TMEM132D: variants seen among roughly 807,000 people sequenced by gnomAD.
TMEM132D encodes transmembrane protein 132D.
In TMEM132D, 21 loss-of-function variants were observed where a neutral mutation model predicts 62.3. The ratio of observed to expected loss-of-function variants is 0.34; its 90% CI spans 0.24 to 0.49. The LOEUF is 0.49. TMEM132D is among the 20% of genes least tolerant of loss of function. The pLI, the probability that TMEM132D is intolerant of heterozygous loss-of-function variation, is 0.99. For missense variants in TMEM132D, 1,346 were observed against 1,402.8 expected (o/e 0.96, Z 0.65); for synonymous variants, 621 against 575.6 (o/e 1.08, Z -1.13).
intron 6 of TMEM132D, 31 bp from the exon 7 acceptor site, chr12:129,082,063 G>C (rs1874471389): frequency 6.4e-7 from 1 of 1,571,756 alleles, no homozygotes. Context: ...TTTGCAGACA[G>C]TTACTTGTTG....
intron 3 of TMEM132D, among the ~76,000 whole-genome samples, chr12:129,389,457 CTAA>C (rs922686741): frequency 5.3e-5 from 8 of 152,018 alleles, no homozygotes; most frequent in Admixed American, 5.2e-4. Flanking sequence ...AATACTAACA[CTAA>C]TGTCACTGCC....
At chr12:129,243,116 A>C (rs1879979457) in intron 4 of TMEM132D, among the ~76,000 whole-genome samples, 1 of 152,240 alleles carries the variant, frequency 6.6e-6, no homozygotes. Flanking sequence ...GCAAACACGT[A>C]TGTGTACACA....
intron 3 of TMEM132D, among the ~76,000 whole-genome samples, chr12:129,351,552 C>T (rs1456595506): frequency 2.0e-5 from 3 of 152,150 alleles, no homozygotes; most frequent in Non-Finnish European, 2.9e-5. Context: ...GTTGTGTGTA[C>T]GTTCCAGACT....
At chr12:129,149,997 G>A (rs887709938) in intron 5 of TMEM132D, among the ~76,000 whole-genome samples, 1 of 152,218 alleles carries the variant, frequency 6.6e-6, no homozygotes, top group African/African-American at 2.4e-5. Flanking sequence ...CAACAGAGGG[G>A]AACAATGACT....
chr12:129,165,784 C>T (rs1257539218), intron 5 of TMEM132D, among the ~76,000 whole-genome samples: 1 of 152,138 alleles, frequency 6.6e-6, no homozygotes, highest in African/African-American at 2.4e-5. Flanking sequence ...AGAGCCTTGA[C>T]TCCTTGACTC....
rs372666244 is a variant in TMEM132D, at chr12:129,377,142, G to C, written c.1116-39325C>G. ...CCTAATGTGACTGGTGACCTTAAAA[G>C]AAGAGGAGATTAAGAGACAGGTGCA... On this transcript the variant is annotated intron_variant, in intron 3 of 8. Coordinates refer to ENST00000422113, the MANE Select transcript of TMEM132D (RefSeq NM_133448.3). Among the ~76,000 whole-genome samples the C allele has an allele frequency of 1.1e-4, 16 of 152,172 alleles. No homozygotes were observed. In the East Asian group the frequency reaches 2.5e-3, roughly 24 times the overall value.
At chr12:129,819,874 C>T (rs1872496350) in intron 1 of TMEM132D, among the ~76,000 whole-genome samples, 1 of 152,094 alleles carries the variant, frequency 6.6e-6, no homozygotes, top group Admixed American at 6.6e-5. Flanking sequence ...CTGCTGCTAC[C>T]CAAAGTGCTC....
At chr12:129,806,606 G>A (rs1871990845) in intron 1 of TMEM132D, among the ~76,000 whole-genome samples, 2 of 150,446 alleles carry the variant, frequency 1.3e-5, no homozygotes, top group Non-Finnish European at 3.0e-5. Context: ...TGATGAGTTA[G>A]TGGGTGCAGC....
At chr12:129,366,199 T>C (rs1225599722) in intron 3 of TMEM132D, among the ~76,000 whole-genome samples, 1 of 152,232 alleles carries the variant, frequency 6.6e-6, no homozygotes, top group Non-Finnish European at 1.5e-5. Context: ...AAGCCCTGTG[T>C]TATTGTTTGG....
In TMEM132D at chr12:129,531,086, T is replaced by C. The variant is rs1876205311; in HGVS notation, c.1088A>G (p.Gln363Arg). The C allele has an allele frequency of 6.2e-7, 1 of 1,613,452 alleles. No individual in the cohort carries two copies. The highest frequency in any genetic ancestry group is 1.1e-5 in the South Asian group (1 of 91,032). Residue 363 changes from glutamine (Q) to arginine (R), a missense_variant, in exon 3 of 9, where the codon CAG becomes CGG. Physicochemically the swap from Gln to Arg is conservative, Grantham distance 43. Transcript: ENST00000422113. ...GTTTTCTGAGCCAGCTGCTTTCTTC[T>C]GACAAACGATGACAGCTGGTGCATA... is the stretch of plus-strand genomic sequence containing the variant. ...GKYAPAVIVC[Q>R]KKAAGSENSA... is the part of the protein sequence containing the mutation.
At chr12:129,579,715 A>T (rs1877788296) in intron 2 of TMEM132D, among the ~76,000 whole-genome samples, 1 of 152,166 alleles carries the variant, frequency 6.6e-6, no homozygotes, top group Admixed American at 6.5e-5. Context: ...AGTCAAATGG[A>T]TGGTGCCCAC....
intron 3 of TMEM132D, among the ~76,000 whole-genome samples, chr12:129,450,563 A>G (rs375673523): frequency 3.4e-4 from 51 of 152,232 alleles, no homozygotes; most frequent in African/African-American, 1.1e-3. Context: ...CTAGTTTCAA[A>G]AGAAAAAAAC....
chr12:129,779,360 C>T lies in TMEM132D; in HGVS notation c.80-78662G>A, dbSNP rs1565982714. On this transcript the variant is annotated intron_variant, in intron 1 of 8. Transcript: ENST00000422113. The surrounding 1 kb of genome is among the most constrained non-coding windows in gnomAD (Gnocchi z 4.1). Reference sequence around the variant, plus strand: ...CTGGAGAGCAGTGGTGTTATCTCTGCTCACTACAACCTCCACTTCCTGGGT... The same window carrying T: ...CTGGAGAGCAGTGGTGTTATCTCTGTTCACTACAACCTCCACTTCCTGGGT... 6.6e-6 allele frequency among the ~76,000 whole-genome samples: 1 copy of T among 152,206 alleles called. No homozygotes were observed. Among genetic ancestry groups the T allele is most frequent in the Non-Finnish European group, 1.5e-5 (1 of 68,032 alleles).
At chr12:129,089,395 GTCCTCCCTGACCGGGA>G (rs1874815562) in intron 5 of TMEM132D, among the ~76,000 whole-genome samples, 1 of 62,290 alleles carries the variant, frequency 1.6e-5, no homozygotes, top group African/African-American at 1.0e-4. Context: ...ATGACCGGGT[GTCCTCCCTGACCGGGA>G]TGTCCTCCAT....
chr12:129,115,942 A>G (rs1875880019), intron 5 of TMEM132D, among the ~76,000 whole-genome samples: 1 of 152,258 alleles, frequency 6.6e-6, no homozygotes, highest in South Asian at 2.1e-4. Flanking sequence ...CAAAGGGAGC[A>G]GTACTGGACA....
At chr12:129,383,683 T>C (rs1300648995) in intron 3 of TMEM132D, among the ~76,000 whole-genome samples, 1 of 152,196 alleles carries the variant, frequency 6.6e-6, no homozygotes, top group African/African-American at 2.4e-5. Context: ...AAGAGATCCA[T>C]CTGCCTTGGC....
intron 3 of TMEM132D, among the ~76,000 whole-genome samples, chr12:129,430,143 C>T (rs1256363956): frequency 1.3e-5 from 2 of 152,176 alleles, no homozygotes; most frequent in African/African-American, 4.8e-5. Flanking sequence ...TTCTAGATCC[C>T]TGATGAATCA....
intron 3 of TMEM132D, among the ~76,000 whole-genome samples, chr12:129,452,669 G>A (rs1196603713): frequency 1.3e-5 from 2 of 151,876 alleles, no homozygotes; most frequent in Admixed American, 6.6e-5. Context: ...TCTGGTGAGA[G>A]TATTTTTAAA....
intron 5 of TMEM132D, among the ~76,000 whole-genome samples, chr12:129,122,905 AT>A (rs1876107823): frequency 6.6e-6 from 1 of 152,208 alleles, no homozygotes; most frequent in African/African-American, 2.4e-5. Flanking sequence ...ATGGTGAATG[AT>A]TTCCAGGAAA....
Sources: allele counts gnomAD v4.1 joint callset (sites outside exome capture counted in the v4.1 genomes callset), GRCh38; gene constraint gnomAD v4.1.1; non-coding constraint Gnocchi (gnomAD v3.1); transcripts MANE v1.5; gene names NCBI Gene and HGNC (gene_info 2026-07-23, HGNC 2026-07-21).